The following FUT8 variants were observed in gnomAD, a reference collection of about 807,000 sequenced individuals.
FUT8 encodes the protein fucosyltransferase 8, also known as alpha-(1,6)-fucosyltransferase.
FUT8 carries 29 observed loss-of-function variants against 71.3 expected under a neutral mutation model. The ratio of observed to expected loss-of-function variants is 0.41; its 90% confidence interval spans 0.30 to 0.55. The LOEUF is 0.55. FUT8 is among the 20% of genes least tolerant of loss of function. The probability of loss-of-function intolerance (pLI) is 0.34; values close to 1 mark genes in which losing one functional copy is unlikely to be tolerated. For missense variants in FUT8, 544 were observed against 702.1 expected (o/e 0.77, Z 2.55); for synonymous variants, 254 against 239.3 (o/e 1.06, Z -0.57).
At chr14:65,463,742 T>C (rs551449536) in intron 2 of FUT8, among the ~76,000 whole-genome samples, 6 of 152,336 alleles carry the variant, frequency 3.9e-5, no homozygotes, top group African/African-American at 1.4e-4. Context: ...CTTGTACTTT[T>C]CCTTCTCATT....
chr14:65,508,491 GTTTTTTTTTT>G (rs34809476), intron 2 of FUT8, among the ~76,000 whole-genome samples: 10 of 46,500 alleles, frequency 2.2e-4, no homozygotes, highest in African/African-American at 5.9e-4. Context: ...AGTTGTTTGA[GTTTTTTTTTT>G]TTTTTTTTTT....
At chr14:65,419,792 G>T (rs966275778) in intron 1 of FUT8, among the ~76,000 whole-genome samples, 6 of 152,116 alleles carry the variant, frequency 3.9e-5, no homozygotes, top group Admixed American at 6.5e-5. Flanking sequence ...AGGCCAAAAG[G>T]TCCTGTCTTA....
chr14:65,548,737 A>T (rs535863043), intron 2 of FUT8, among the ~76,000 whole-genome samples: 5 of 152,138 alleles, frequency 3.3e-5, no homozygotes, highest in African/African-American at 9.6e-5. Context: ...TATTATATTT[A>T]AAAAATTTAA....
chr14:65,618,856 G>A (rs1889448709), intron 5 of FUT8, among the ~76,000 whole-genome samples: 1 of 152,140 alleles, frequency 6.6e-6, no homozygotes, highest in South Asian at 2.1e-4. Flanking sequence ...CTTCTTAAAA[G>A]AGCCCTCCTG....
chr14:65,469,234 T>C (rs1191028069), intron 2 of FUT8, among the ~76,000 whole-genome samples: 1 of 152,204 alleles, frequency 6.6e-6, no homozygotes, highest in Non-Finnish European at 1.5e-5. Context: ...TGGTAAAAAT[T>C]TCTGCCACAT....
rs559042696 is a variant in FUT8 at position 65,633,977 on chromosome 14, C to T, written c.597+4371C>T. 5.4e-3 allele frequency among the ~76,000 whole-genome samples: 768 copies of T among 142,752 alleles called. 8 individuals are homozygous for T. Among genetic ancestry groups the T allele is most frequent in the African/African-American group, 0.019 (724 of 38,272 alleles). The allele number at this position is 142,752 out of a possible 152,430, so 93.7% of individuals were successfully genotyped here. ...CCCCTGCCCGGCTAGCCGCCCCATC[C>T]GGGAGGTGAGGGGCGCCTCTGCCCG... On this transcript the variant is annotated intron_variant, in intron 6 of 10. Transcript: ENST00000673929.
At position 65,489,849 on chromosome 14, in the gene FUT8, C is replaced by T. The variant is rs2066458449; in HGVS notation, c.-228+34131C>T. 6.6e-6 allele frequency among the ~76,000 whole-genome samples: 1 copy of T among 151,890 alleles called. No homozygotes were observed. The highest frequency in any genetic ancestry group is 1.5e-5 in the Non-Finnish European group (1 of 67,946). ...GAAGAAACTTACATGCAAGTTTTTG[C>T]ACAAATATCAAAGAAATTCAGTGTA... On this transcript the variant is annotated intron_variant, in intron 2 of 10. Coordinates refer to ENST00000673929, the MANE Select transcript of FUT8 (RefSeq NM_001371533.1). This position sits in a 1 kb window ranked among gnomAD's most constrained non-coding sequence, Gnocchi z 4.0.
chr14:65,509,116 A>G (rs1882167904), intron 2 of FUT8, among the ~76,000 whole-genome samples: 1 of 152,166 alleles, frequency 6.6e-6, no homozygotes. Context: ...GGTGAGAGAT[A>G]GGAGTCTAGT....
chr14:65,500,144 C>G (rs1220241941), intron 2 of FUT8, among the ~76,000 whole-genome samples: 2 of 152,172 alleles, frequency 1.3e-5, no homozygotes, highest in Non-Finnish European at 2.9e-5. Flanking sequence ...TTCCAACAAG[C>G]TCCTGTTGGT....
the FUT8 span, among the ~76,000 whole-genome samples, chr14:65,366,305 A>G: frequency 1.3e-5 from 2 of 152,214 alleles, no homozygotes; most frequent in Non-Finnish European, 2.9e-5. Flanking sequence ...GGAAGTTGCT[A>G]CTATAGACTG....
chr14:65,546,445 A>AT (rs1326438295), intron 2 of FUT8, among the ~76,000 whole-genome samples: 1 of 151,490 alleles, frequency 6.6e-6, no homozygotes, highest in African/African-American at 2.4e-5. Flanking sequence ...TGTCCCTGGC[A>AT]TTTTTTGTCA....
intron 5 of FUT8, among the ~76,000 whole-genome samples, chr14:65,625,919 T>C (rs1367966672): frequency 6.6e-6 from 1 of 152,230 alleles, no homozygotes; most frequent in African/African-American, 2.4e-5. Flanking sequence ...TTTTGCTAAA[T>C]AATTTAGCAT....
At chr14:65,544,366 T>C (rs71420502) in intron 2 of FUT8, among the ~76,000 whole-genome samples, 1,646 of 152,308 alleles carry the variant, frequency 0.011, 14 homozygotes, top group Non-Finnish European at 0.017. Context: ...CAGGGTAAAC[T>C]GTCCATATGT....
chr14:65,735,219 A>AT (rs5809285), intron 10 of FUT8, among the ~76,000 whole-genome samples: 4 of 150,988 alleles, frequency 2.6e-5, no homozygotes, highest in Admixed American at 6.6e-5. Flanking sequence ...TTGCTTTACT[A>AT]TTTTTTTTTT....
At chr14:65,416,839 A>C (rs996524858) in intron 1 of FUT8, among the ~76,000 whole-genome samples, 1 of 143,190 alleles carries the variant, frequency 7.0e-6, no homozygotes, top group African/African-American at 2.6e-5. Flanking sequence ...GGAGTGCAGT[A>C]GTGGCGTGAT....
the FUT8 span, among the ~76,000 whole-genome samples, chr14:65,388,389 C>G: frequency 6.6e-6 from 1 of 152,158 alleles, no homozygotes; most frequent in African/African-American, 2.4e-5. Context: ...TATCTGTTGA[C>G]TATCTTAGTG....
At chr14:65,682,723 C>T (rs1222292475) in intron 7 of FUT8, among the ~76,000 whole-genome samples, 1 of 152,180 alleles carries the variant, frequency 6.6e-6, no homozygotes, top group Non-Finnish European at 1.5e-5. Flanking sequence ...ATTTTTCCTT[C>T]TACCTCTTAT....
chr14:65,568,296 C>A (rs1487391001), intron 3 of FUT8, among the ~76,000 whole-genome samples: 1 of 151,318 alleles, frequency 6.6e-6, no homozygotes, highest in Non-Finnish European at 1.5e-5. Flanking sequence ...GTTGTGTTTT[C>A]TCCTTTTATC....
At chr14:65,602,343 TCA>T (rs1163052408) in intron 3 of FUT8, among the ~76,000 whole-genome samples, 3,590 of 48,294 alleles carry the variant, frequency 0.074, 87 homozygotes, top group Non-Finnish European at 0.081. Context: ...GTTCCATCTC[TCA>T]CACACACACA....
Sources: gnomAD v4.1 joint callset for allele counts (sites outside exome capture counted in the v4.1 genomes callset) on GRCh38, gnomAD v4.1.1 for gene constraint, Gnocchi (gnomAD v3.1) non-coding constraint, MANE v1.5 for transcripts, NCBI Gene and HGNC (gene_info 2026-07-23, HGNC 2026-07-21) for gene names.